STARD3: variants seen among roughly 807,000 people sequenced by gnomAD.
The protein encoded by STARD3 is StAR related lipid transfer domain containing 3.
In STARD3, 39 loss-of-function variants were observed where a neutral mutation model predicts 62.0. The observed-to-expected ratio is 0.63, with a 90% CI of 0.49 to 0.82. STARD3 has a LOEUF of 0.82. STARD3 is among the 40% of genes least tolerant of loss of function. The pLI, the probability that STARD3 is intolerant of heterozygous loss-of-function variation, is 0.00. For synonymous variants in STARD3, 229 were observed against 242.4 expected (o/e 0.94, Z 0.51); for missense variants, 543 against 584.5 (o/e 0.93, Z 0.73).
intron 1 of STARD3, among the ~76,000 whole-genome samples, chr17:39,643,592 C>T (rs991428998): frequency 1.3e-5 from 2 of 152,198 alleles, no homozygotes; most frequent in African/African-American, 4.8e-5. Flanking sequence ...CTGGCACCCT[C>T]CTGGGCCAGC....
At chr17:39,659,263 CT>C (rs1039563844) in intron 8 of STARD3, among the ~76,000 whole-genome samples, 157 bp downstream of exon 8, 3 of 152,346 alleles carry the variant, frequency 2.0e-5, no homozygotes, top group Non-Finnish European at 4.4e-5. Context: ...TCCGGCCCCC[CT>C]GGTCTGCCTC....
At chr17:39,642,554 C>T (rs895293941) in intron 1 of STARD3, among the ~76,000 whole-genome samples, 2 of 152,170 alleles carry the variant, frequency 1.3e-5, no homozygotes, top group Non-Finnish European at 2.9e-5. Flanking sequence ...CCACTCTGAG[C>T]CTGGTACAGT....
Position 39,664,165 on chromosome 17 carries a change from A to G in STARD3, c.*1257A>G, listed in dbSNP as rs1052468313. 2.0e-5 allele frequency: 3 copies of G among 152,366 alleles called. No individual in the cohort carries two copies. Among genetic ancestry groups the G allele is most frequent in the Non-Finnish European group, 2.9e-5 (2 of 68,048 alleles). 9.4% of individuals were successfully genotyped at this position (152,366 alleles called of 1,614,324 possible). A position where few individuals can be genotyped will look rare whatever the true frequency, so the allele number is the denominator to read the frequency against. ...TTTATGAAAATGGGACTGATGTCAC[A>G]GGGTTGTTATGAGATTAAAAGATAT... On this transcript the variant is annotated 3_prime_UTR_variant, in exon 15 of 15. Coordinates refer to ENST00000336308, the MANE Select transcript of STARD3 (RefSeq NM_006804.4).
At chr17:39,648,494 A>G (rs1049790373) in intron 1 of STARD3, among the ~76,000 whole-genome samples, 3 of 152,160 alleles carry the variant, frequency 2.0e-5, no homozygotes, top group East Asian at 1.9e-4. Context: ...AGATGATTGA[A>G]AAAAACCACT....
chr17:39,661,298 G>A (rs533378259), intron 13 of STARD3: 91 of 585,000 alleles, frequency 1.6e-4, no homozygotes, highest in Non-Finnish European at 2.7e-4. Flanking sequence ...CTGGAACCAA[G>A]CCACCAAGGC....
rs770469007 is a variant in STARD3, at chr17:39,659,125, CT to C, written c.702+20del. 3.7e-6 allele frequency: 6 copies of C among 1,614,164 alleles called. No homozygotes were observed. The highest frequency in any genetic ancestry group is 1.1e-5 in the South Asian group (1 of 91,088). Reference sequence around the variant, plus strand: ...TGCTCAGGTATTTGCCTGCCTACCCCTAACCCCTGCCCTTGGAATGGGTGCC... The same window carrying C: ...TGCTCAGGTATTTGCCTGCCTACCCCAACCCCTGCCCTTGGAATGGGTGCC... On this transcript the variant is annotated intron_variant, in intron 8 of 14. Coordinates refer to ENST00000336308, the MANE Select transcript of STARD3 (RefSeq NM_006804.4).
chr17:39,656,542 T>C (rs999044276), intron 2 of STARD3, among the ~76,000 whole-genome samples: 1 of 152,162 alleles, frequency 6.6e-6, no homozygotes, highest in Non-Finnish European at 1.5e-5. Context: ...ACCTAATCAA[T>C]TGATTTGCCA....
chr17:39,658,041 G>T lies in STARD3; in HGVS notation c.429+15G>T. 1.3e-6 allele frequency: 2 copies of T among 1,552,210 alleles called. No individual in the cohort carries two copies. Among genetic ancestry groups the T allele is most frequent in the Non-Finnish European group, 8.7e-7 (1 of 1,147,322 alleles). ...TCCTCTCTGAGGTCAGTGGCTCAGG[G>T]TCTGGCCAGTCTGGTGGGCATCAGA... On this transcript the variant is annotated intron_variant, in intron 5 of 14. Transcript: ENST00000336308.
chr17:39,656,318 G>A (rs563665201), intron 2 of STARD3, among the ~76,000 whole-genome samples: 12 of 152,212 alleles, frequency 7.9e-5, no homozygotes, highest in East Asian at 3.9e-4. Context: ...GCCTAGGCCC[G>A]TCACCCCCGT....
In STARD3 at chr17:39,657,999, C is replaced by T. The variant is rs1255082631; in HGVS notation, c.402C>T (p.Phe134=). The change falls in exon 5 of 15, where the codon TTC becomes TTT. Residue 134 remains phenylalanine (F), a synonymous_variant. Transcript: ENST00000336308. ...TCACGACGCTGGTGTCCAGTGCATT[C>T]CTCATTGTCAAGGTCATCCTCTCTG... is the stretch of plus-strand genomic sequence containing the variant. The part of the protein sequence containing the change: ...IAVTTLVSSA[F]LIVKVILSEL... The T allele has an allele frequency of 6.4e-7, 1 of 1,570,602 alleles. No homozygotes were observed. The highest frequency in any genetic ancestry group is 1.3e-5 in the African/African-American group (1 of 74,406).
Position 39,659,541 on chromosome 17 carries a change from T to G in STARD3, c.783T>G (p.Phe261Leu). 2 of 1,614,090 alleles carry G rather than the reference T, an allele frequency of 1.2e-6. No individual in the cohort carries two copies. The highest frequency in any genetic ancestry group is 1.7e-6 in the Non-Finnish European group (2 of 1,179,984). ...QILAQEENWK[F>L]EKNNEYGDTV... is the part of the protein sequence containing the mutation. ...TGGCCCAGGAAGAGAACTGGAAGTTTGAGAAGAATAATGTAAGAAGCCCTC... is the reference window on the plus strand; with the variant it reads ...TGGCCCAGGAAGAGAACTGGAAGTTGGAGAAGAATAATGTAAGAAGCCCTC... Residue 261 changes from phenylalanine to leucine, a missense_variant, in exon 9 of 15, where the codon TTT becomes TTG. Phe to Leu is a conservative substitution (Grantham distance 22). Transcript: ENST00000336308.
In STARD3 at chr17:39,659,972, T is replaced by C; in HGVS notation, c.796-239T>C. The C allele has an allele frequency of 5.2e-6, 3 of 581,308 alleles. No individual in the cohort carries two copies. The South Asian group carries it at 6.2e-5, about 12-fold the overall frequency. 36.0% of individuals were successfully genotyped at this position (581,308 alleles called of 1,614,324 possible). On this transcript the variant is annotated intron_variant, in intron 9 of 14. Transcript: ENST00000336308. ...CCATTGGCCTGGAGACATGGTTTTT[T>C]GTGGTTGCAGCTGCAGCTGTCCCCC...
chr17:39,660,852 G>A lies in STARD3; in HGVS notation c.997G>A (p.Val333Met), dbSNP rs1045873498. 9.4e-6 allele frequency: 15 copies of A among 1,599,712 alleles called. No individual in the cohort carries two copies. The African/African-American group carries it at 1.1e-4, about 11-fold the overall frequency. Residue 333 changes from valine to methionine, a missense_variant, in exon 12 of 15, where the codon GTG (valine) becomes ATG (methionine). Transcript: ENST00000336308. This position sits in a 1 kb window ranked among gnomAD's most constrained non-coding sequence, Gnocchi z 4.8. ...VEDNTLISYD[V>M]SAGAAGGVVS... ...AGACAACACCCTCATCTCCTATGAC[G>A]TGTCTGCAGGGGCTGCGGGCGGCGT... is the stretch of plus-strand genomic sequence containing the variant.
At chr17:39,641,382 CCA>C (rs2056981629) in intron 1 of STARD3, among the ~76,000 whole-genome samples, 1 of 151,948 alleles carries the variant, frequency 6.6e-6, no homozygotes, top group African/African-American at 2.4e-5. Context: ...GAGTTTGAGA[CCA>C]CAGTGTCCTA....
intron 1 of STARD3, chr17:39,652,517 A>C (rs982023444): frequency 1.3e-5 from 2 of 152,262 alleles, no homozygotes; most frequent in African/African-American, 4.8e-5. Flanking sequence ...TTGGAGCAGG[A>C]GGGTGGGAGG....
chr17:39,653,600 C>A lies in STARD3; in HGVS notation c.69C>A (p.Gly23=), dbSNP rs1331214475. The A allele has an allele frequency of 6.2e-7, 1 of 1,612,438 alleles. No homozygotes were observed. Among genetic ancestry groups the A allele is most frequent in the Admixed American group, 1.7e-5 (1 of 60,030 alleles). The change falls in exon 2 of 15, where the codon GGC becomes GGA. Residue 23 remains glycine, a synonymous_variant. Coordinates refer to ENST00000336308, the MANE Select transcript of STARD3 (RefSeq NM_006804.4). ...GCCTGCCTGCCGTGGCCTCCCTGGG[C>A]TCCTCACTGTCCCACAGCCAGAGCC... is the stretch of plus-strand genomic sequence containing the variant. ...ERSLPAVASL[G]SSLSHSQSLS...
At chr17:39,659,996 C>T (rs1233940915) in intron 9 of STARD3, 4 of 593,590 alleles carry the variant, frequency 6.7e-6, no homozygotes, top group South Asian at 2.0e-5. Context: ...CAGCTGTCCC[C>T]CCGTCTTTTA....
In STARD3 at chr17:39,660,768, C is replaced by T; in HGVS notation, c.955-42C>T. ...GGGTGTTCCCATCCCTGGGGTTTTC[C>T]TGGGGCGACCTGTTCCAAAAGTCTC... is the stretch of plus-strand genomic sequence containing the variant. On this transcript the variant is annotated intron_variant, in intron 11 of 14. Transcript: ENST00000336308. The surrounding 1 kb of genome is among the most constrained non-coding windows in gnomAD (Gnocchi z 4.8). 6.5e-7 allele frequency: 1 copy of T among 1,541,722 alleles called. No individual in the cohort carries two copies. Among genetic ancestry groups the T allele is most frequent in the South Asian group, 1.3e-5 (1 of 78,334 alleles).
rs367721742 is a variant in STARD3, at chr17:39,659,047, G to T, written c.647-4G>T. On this transcript the variant is annotated splice_region_variant and splice_polypyrimidine_tract_variant and intron_variant, in intron 7 of 14. Transcript: ENST00000336308. ...CCATTGTCATCTGTGCCTGTTTTCT[G>T]CAGGGTCTGACAATGAATCAGATGA... The T allele has an allele frequency of 6.2e-7, 1 of 1,614,088 alleles. No individual in the cohort carries two copies. Among genetic ancestry groups the T allele is most frequent in the Admixed American group, 1.7e-5 (1 of 60,006 alleles).
Sources: allele counts gnomAD v4.1 joint callset (sites outside exome capture counted in the v4.1 genomes callset), GRCh38; gene constraint gnomAD v4.1.1; non-coding constraint Gnocchi (gnomAD v3.1); transcripts MANE v1.5; gene names NCBI Gene and HGNC (gene_info 2026-07-23, HGNC 2026-07-21).